The following PDE3B variants were observed in gnomAD, a reference collection of about 807,000 sequenced individuals.
PDE3B encodes phosphodiesterase 3B.
PDE3B carries 66 observed loss-of-function variants against 116.8 expected under a neutral mutation model. That is an observed-to-expected ratio of 0.56 (90% CI 0.46 to 0.69). The LOEUF is 0.69. Ranked by LOEUF, PDE3B falls within the 30% of genes least tolerant of loss-of-function variation. PDE3B has a pLI of 0.00. For missense variants in PDE3B, 1,384 were observed against 1,368.1 expected, an observed-to-expected ratio of 1.01 and a Z score of -0.18; for synonymous variants, 595 against 533.6, an observed-to-expected ratio of 1.12 and a Z score of -1.59.
At chr11:14,818,504 G>GT (rs1859404927) in intron 6 of PDE3B, 111 bp downstream of exon 6, 5 of 650,946 alleles carry the variant, frequency 7.7e-6, no homozygotes, top group South Asian at 4.0e-5. Context: ...AATGACCATA[G>GT]TTTTTTTCGG....
chr11:14,849,227 G>T (rs1453710092), intron 12 of PDE3B, among the ~76,000 whole-genome samples: 13 of 151,722 alleles, frequency 8.6e-5, no homozygotes, highest in Non-Finnish European at 1.5e-4. Context: ...AGAAAAACAA[G>T]CAATGGGGAA....
intron 1 of PDE3B, among the ~76,000 whole-genome samples, chr11:14,659,704 G>C (rs1853832656): frequency 6.6e-6 from 1 of 152,070 alleles, no homozygotes; most frequent in Non-Finnish European, 1.5e-5. Flanking sequence ...ACGTGGTCAT[G>C]TGTTCTCATC....
chr11:14,896,977 A>G, the PDE3B span, among the ~76,000 whole-genome samples: 1 of 152,218 alleles, frequency 6.6e-6, no homozygotes, highest in Non-Finnish European at 1.5e-5. Flanking sequence ...AAAGGAAACA[A>G]TAATTATCAA....
rs534229589 is a variant in PDE3B, at chr11:14,790,504, A to G, written c.1415+1262A>G. ...AACCTTTCATACTGATGTAACAGCA[A>G]TGCATTTGCAGTTAAAGAAACATTT... is the stretch of plus-strand genomic sequence containing the variant. On this transcript the variant is annotated intron_variant, in intron 4 of 15. Coordinates refer to ENST00000282096, the MANE Select transcript of PDE3B (RefSeq NM_000922.4). 1.4e-4 allele frequency among the ~76,000 whole-genome samples: 21 copies of G among 152,196 alleles called. No homozygotes were observed. The South Asian group carries it at 4.3e-3, about 32-fold the overall frequency.
At chr11:14,780,757 A>T (rs994359220) in intron 2 of PDE3B, among the ~76,000 whole-genome samples, 2 of 152,104 alleles carry the variant, frequency 1.3e-5, no homozygotes, top group African/African-American at 2.4e-5. Flanking sequence ...TTAAAAGAAC[A>T]AGAGAAGCAA....
intron 14 of PDE3B, among the ~76,000 whole-genome samples, chr11:14,864,761 A>T (rs1848013286): frequency 6.6e-6 from 1 of 152,166 alleles, no homozygotes; most frequent in African/African-American, 2.4e-5. Context: ...CTCCTGAATG[A>T]CTACCAGGTA....
intron 1 of PDE3B, among the ~76,000 whole-genome samples, chr11:14,711,464 C>T (rs1172994590): frequency 6.6e-6 from 1 of 152,084 alleles, no homozygotes; most frequent in Non-Finnish European, 1.5e-5. Context: ...GCAGGCTGTA[C>T]AGGAAGCATA....
At chr11:14,707,768 T>C (rs1055761787) in intron 1 of PDE3B, among the ~76,000 whole-genome samples, 1 of 152,060 alleles carries the variant, frequency 6.6e-6, no homozygotes, top group Non-Finnish European at 1.5e-5. Context: ...TTTCCCCCTG[T>C]ATATATGATA....
At chr11:14,723,261 A>G (rs1856177000) in intron 1 of PDE3B, among the ~76,000 whole-genome samples, 1 of 152,222 alleles carries the variant, frequency 6.6e-6, no homozygotes. Context: ...TCTGAGGTAT[A>G]GAAATTCATG....
intron 2 of PDE3B, among the ~76,000 whole-genome samples, chr11:14,779,995 A>C (rs913360609): frequency 1.3e-5 from 2 of 152,082 alleles, no homozygotes; most frequent in African/African-American, 4.8e-5. Flanking sequence ...ATGGAAAAAA[A>C]AAAAAAAAGC....
chr11:14,733,654 C>CT (rs1011152409), intron 1 of PDE3B, among the ~76,000 whole-genome samples: 1 of 152,004 alleles, frequency 6.6e-6, no homozygotes, highest in Non-Finnish European at 1.5e-5. Context: ...TAGATACAGG[C>CT]TTTTGTACAG....
intron 5 of PDE3B, 38 bp from the exon 6 acceptor site, chr11:14,818,145 T>C (rs1229794867): frequency 7.8e-7 from 1 of 1,280,456 alleles, no homozygotes. Context: ...CATAAATACA[T>C]TCTTATTTAT....
At chr11:14,883,339 T>C in the PDE3B span, among the ~76,000 whole-genome samples, 3 of 151,978 alleles carry the variant, frequency 2.0e-5, no homozygotes, top group Admixed American at 6.6e-5. Flanking sequence ...AACAGAGATA[T>C]AGATCAATGG....
rs978217999 is a variant in PDE3B at position 14,696,430 on chromosome 11, C to A, written c.978+51377C>A. Among the ~76,000 whole-genome samples the A allele has an allele frequency of 1.9e-4, 29 of 152,240 alleles. 1 individual carries two copies. In the Middle Eastern group the frequency reaches 0.01, roughly 54 times the overall value. Reference sequence around the variant, plus strand: ...ACCCAAAAGCATTAGGTGAGAGTTTCATTTGCTTCACATTCTCAAGAACAC... The same window carrying A: ...ACCCAAAAGCATTAGGTGAGAGTTTAATTTGCTTCACATTCTCAAGAACAC... On this transcript the variant is annotated intron_variant, in intron 1 of 15. Transcript: ENST00000282096.
intron 1 of PDE3B, among the ~76,000 whole-genome samples, chr11:14,693,384 A>G (rs912571002): frequency 1.3e-5 from 2 of 152,222 alleles, no homozygotes; most frequent in Non-Finnish European, 1.5e-5. Flanking sequence ...AGAAGATGCT[A>G]GGACTTTCTA....
chr11:14,878,398 C>A, the PDE3B span: 5 of 1,151,590 alleles, frequency 4.3e-6, no homozygotes, highest in Non-Finnish European at 6.3e-6. Context: ...GGAATTTAAA[C>A]AAAGAAAGAG....
chr11:14,744,388 C>T (rs185808083), intron 1 of PDE3B, among the ~76,000 whole-genome samples: 1 of 152,244 alleles, frequency 6.6e-6, no homozygotes, highest in Admixed American at 6.5e-5. Flanking sequence ...GTGATATTGC[C>T]ATTTTCACAA....
At chr11:14,828,947 T>A (rs2133960296) in intron 7 of PDE3B, among the ~76,000 whole-genome samples, 1 of 152,306 alleles carries the variant, frequency 6.6e-6, no homozygotes, top group African/African-American at 2.4e-5. Context: ...AAAGAAAATA[T>A]GGTACATATA....
intron 12 of PDE3B, among the ~76,000 whole-genome samples, chr11:14,854,827 T>C (rs1271859119): frequency 6.6e-6 from 1 of 152,170 alleles, no homozygotes; most frequent in African/African-American, 2.4e-5. Flanking sequence ...AAATTCATTT[T>C]TCTATATACA....
Sources: allele counts gnomAD v4.1 joint callset (sites outside exome capture counted in the v4.1 genomes callset), GRCh38; gene constraint gnomAD v4.1.1; transcripts MANE v1.5; gene names NCBI Gene and HGNC (gene_info 2026-07-23, HGNC 2026-07-21).